ADGRB3: variants seen among roughly 807,000 people sequenced by gnomAD.
ADGRB3 encodes the protein brain-specific angiogenesis inhibitor 3.
Under a neutral mutation model 193.4 loss-of-function variants are expected in ADGRB3, and 37 were observed. The ratio of observed to expected loss-of-function variants is 0.19; its 90% CI spans 0.15 to 0.25. The LOEUF (loss-of-function observed/expected upper bound fraction) is 0.25. Ranked by LOEUF, ADGRB3 falls within the 10% of genes least tolerant of loss-of-function variation. The pLI is 1.00. For synonymous variants in ADGRB3, 690 were observed against 644.2 expected, an observed-to-expected ratio of 1.07 and a Z score of -1.08; for missense variants, 1,637 against 1,852.9, an observed-to-expected ratio of 0.88 and a Z score of 2.14.
chr6:68,742,874 A>AT lies in ADGRB3; in HGVS notation c.757+103448dup, dbSNP rs552803173. On this transcript the variant is annotated intron_variant, in intron 3 of 31. Transcript: ENST00000370598. ...AGTGGGATACATGTAATTTTAATAT[A>AT]TTTTTTATAATTTTCTATTTTTTCC... Among the ~76,000 whole-genome samples the AT allele has an allele frequency of 1.9e-3, 292 of 151,974 alleles. 3 individuals are homozygous for AT. The Middle Eastern group carries it at 0.037, about 19-fold the overall frequency.
At chr6:68,835,050 A>G (rs1048262968) in intron 3 of ADGRB3, among the ~76,000 whole-genome samples, 1 of 152,146 alleles carries the variant, frequency 6.6e-6, no homozygotes, top group East Asian at 1.9e-4. Flanking sequence ...GACATACACT[A>G]TTAGAGGAGA....
intron 17 of ADGRB3, among the ~76,000 whole-genome samples, chr6:69,217,483 T>C (rs764401846): frequency 7.9e-5 from 12 of 152,178 alleles, no homozygotes; most frequent in Non-Finnish European, 1.2e-4. Context: ...TATTTCTGAG[T>C]GTTGCAGTCA....
chr6:68,854,297 G>C (rs1764893601), intron 3 of ADGRB3, among the ~76,000 whole-genome samples: 1 of 152,092 alleles, frequency 6.6e-6, no homozygotes, highest in Admixed American at 6.6e-5. Context: ...TAAATAGGAA[G>C]AATAACATCA....
At chr6:69,215,536 T>C (rs1337724593) in intron 17 of ADGRB3, among the ~76,000 whole-genome samples, 2 of 151,990 alleles carry the variant, frequency 1.3e-5, no homozygotes, top group Non-Finnish European at 2.9e-5. Flanking sequence ...TTTTATGAAA[T>C]ATCCATTGCT....
At chr6:69,081,448 C>G (rs974237974) in intron 17 of ADGRB3, among the ~76,000 whole-genome samples, 3 of 151,860 alleles carry the variant, frequency 2.0e-5, no homozygotes, top group Non-Finnish European at 2.9e-5. Context: ...AGCAACCCTG[C>G]TCTTCTAGAA....
intron 20 of ADGRB3, among the ~76,000 whole-genome samples, chr6:69,277,727 G>A (rs1767334260): frequency 6.6e-6 from 1 of 152,102 alleles, no homozygotes; most frequent in Admixed American, 6.6e-5. Flanking sequence ...AAAGAGAAAT[G>A]GCGATTAAGA....
At chr6:68,809,068 G>T (rs530185139) in intron 3 of ADGRB3, among the ~76,000 whole-genome samples, 77 of 72,296 alleles carry the variant, frequency 1.1e-3, no homozygotes, top group African/African-American at 3.2e-3. Context: ...TTTTAATTGT[G>T]CTGGTTTAAA....
chr6:69,166,542 T>C (rs770821580), intron 17 of ADGRB3, among the ~76,000 whole-genome samples: 4 of 152,122 alleles, frequency 2.6e-5, no homozygotes, highest in African/African-American at 4.8e-5. Context: ...ATTCACTCCT[T>C]GTTGCCAAAG....
intron 17 of ADGRB3, among the ~76,000 whole-genome samples, chr6:69,231,682 A>G (rs1182650134): frequency 6.6e-6 from 1 of 152,138 alleles, no homozygotes; most frequent in East Asian, 1.9e-4. Context: ...AAAAATTGGC[A>G]TGGTTGCATG....
In ADGRB3 at chr6:69,330,301, G is replaced by C. The variant is rs1283470; in HGVS notation, c.3036-205G>C. Among the ~76,000 whole-genome samples the C allele has an allele frequency of 0.44, 67,396 of 151,960 alleles. 17,068 individuals are homozygous for C. Among genetic ancestry groups the C allele is most frequent in the African/African-American group, 0.69 (28,562 of 41,448 alleles). On this transcript the variant is annotated intron_variant, in intron 22 of 31. Transcript: ENST00000370598. ...AAACCTTGTAATAAAACTTTCTTTT[G>C]AGTTAGATATATATAGTATTTCTTA... is the stretch of plus-strand genomic sequence containing the variant.
At chr6:69,285,513 A>G (rs898758373) in intron 20 of ADGRB3, among the ~76,000 whole-genome samples, 5 of 152,036 alleles carry the variant, frequency 3.3e-5, no homozygotes, top group African/African-American at 9.7e-5. Context: ...TCTACTAAAA[A>G]TACAAAAATT....
intron 3 of ADGRB3, among the ~76,000 whole-genome samples, chr6:68,843,929 A>C (rs892054310): frequency 6.6e-6 from 1 of 152,112 alleles, no homozygotes; most frequent in Non-Finnish European, 1.5e-5. Context: ...GGGAAAAACT[A>C]TCTCTTCAAT....
intron 3 of ADGRB3, among the ~76,000 whole-genome samples, chr6:68,659,624 TTA>T (rs1230795395): frequency 6.6e-6 from 1 of 151,066 alleles, no homozygotes; most frequent in African/African-American, 2.4e-5. Context: ...TGAATTATTT[TTA>T]TATGTTATCT....
At chr6:69,042,133 G>A (rs916011081) in intron 13 of ADGRB3, among the ~76,000 whole-genome samples, 15 of 152,268 alleles carry the variant, frequency 9.9e-5, no homozygotes, top group Admixed American at 9.2e-4. Context: ...CTGCTGCCAC[G>A]TGAAGAAGGA....
Position 69,233,356 on chromosome 6 carries a change from G to A in ADGRB3, c.2547G>A (p.Thr849=), listed in dbSNP as rs746650544. ...CKTVLTDASH[T]KCLCDRLSTF... ...CTGTGCTTACCGATGCATCCCATAC[G>A]AAATGCTTATGTGATCGTCTCTCTA... Residue 849 remains threonine, a synonymous_variant, in exon 18 of 32, where the codon ACG becomes ACA. Transcript: ENST00000370598. 6.2e-7 allele frequency: 1 copy of A among 1,614,018 alleles called. No individual in the cohort carries two copies. Among genetic ancestry groups the A allele is most frequent in the Non-Finnish European group, 8.5e-7 (1 of 1,179,996 alleles).
intron 17 of ADGRB3, among the ~76,000 whole-genome samples, chr6:69,127,490 G>A (rs1330330530): frequency 6.6e-6 from 1 of 152,148 alleles, no homozygotes; most frequent in Non-Finnish European, 1.5e-5. Context: ...GACAAATTTA[G>A]CTTCAATTCC....
At chr6:68,842,773 A>G (rs763019530) in intron 3 of ADGRB3, among the ~76,000 whole-genome samples, 13 of 151,992 alleles carry the variant, frequency 8.6e-5, no homozygotes, top group Non-Finnish European at 1.5e-4. Flanking sequence ...ATCCTCAACA[A>G]AATACTCGCA....
At chr6:68,862,134 C>A (rs1158549279) in intron 3 of ADGRB3, among the ~76,000 whole-genome samples, 2 of 6,236 alleles carry the variant, frequency 3.2e-4, no homozygotes, top group African/African-American at 2.3e-3. Flanking sequence ...AGGAGGGACC[C>A]CCCCCCCCAC....
rs146030697 is a variant in ADGRB3, at chr6:69,101,269, A to C, written c.2480+25231A>C. Among the ~76,000 whole-genome samples the C allele has an allele frequency of 2.4e-3, 371 of 152,266 alleles. 2 individuals are homozygous for C. Among genetic ancestry groups the C allele is most frequent in the African/African-American group, 8.5e-3 (351 of 41,536 alleles). ...TTCAGTAAGGGTTAACGCATATAGCATGTATGGATTGCTGGTCTTCCGAGC... is the reference window on the plus strand; with the variant it reads ...TTCAGTAAGGGTTAACGCATATAGCCTGTATGGATTGCTGGTCTTCCGAGC... On this transcript the variant is annotated intron_variant, in intron 17 of 31. Transcript: ENST00000370598.
Sources: allele counts gnomAD v4.1 joint callset (sites outside exome capture counted in the v4.1 genomes callset), GRCh38; gene constraint gnomAD v4.1.1; transcripts MANE v1.5; gene names NCBI Gene and HGNC (gene_info 2026-07-23, HGNC 2026-07-21).